Variants in SLC2A14 observed in about 807,000 individuals in gnomAD.
The protein encoded by SLC2A14 is solute carrier family 2, facilitated glucose transporter member 14.
Under a neutral mutation model 43.0 loss-of-function variants are expected in SLC2A14, and 13 were observed. The ratio of observed to expected loss-of-function variants is 0.30; its 90% CI spans 0.20 to 0.48. The LOEUF (loss-of-function observed/expected upper bound fraction) is 0.48. Among genes scored for constraint, SLC2A14 ranks in the 20% least tolerant of loss-of-function variants. SLC2A14 has a pLI of 0.99. For synonymous variants in SLC2A14, 190 were observed against 233.8 expected (o/e 0.81, Z 1.71); for missense variants, 428 against 620.4 (o/e 0.69, Z 3.29).
intron 2 of SLC2A14, chr12:7,839,970 G>C (rs1028734619): frequency 7.8e-6 from 3 of 383,248 alleles, no homozygotes; most frequent in African/African-American, 6.5e-5. Flanking sequence ...AAATTAGTGA[G>C]GCATGGTGGT....
intron 8 of SLC2A14, 107 bp downstream of exon 8, chr12:7,821,114 A>G: frequency 1.2e-6 from 1 of 828,584 alleles, no homozygotes; most frequent in Non-Finnish European, 1.9e-6. Flanking sequence ...AAAAATAAAT[A>G]ACAAAAAAGG....
chr12:7,834,530 CTTTTT>C (rs71038782), intron 2 of SLC2A14, among the ~76,000 whole-genome samples: 1 of 113,236 alleles, frequency 8.8e-6, no homozygotes, highest in Non-Finnish European at 1.8e-5. Flanking sequence ...TTCTCTCTCT[CTTTTT>C]TTTTTTTTTT....
intron 1 of SLC2A14, chr12:7,872,530 G>A (rs1200508045): frequency 6.5e-6 from 1 of 153,532 alleles, no homozygotes; most frequent in Non-Finnish European, 1.4e-5. Flanking sequence ...CTCTTCCCTA[G>A]AATATACAGT....
chr12:7,857,031 C>A (rs1012334441), intron 2 of SLC2A14, among the ~76,000 whole-genome samples: 6 of 136,512 alleles, frequency 4.4e-5, no homozygotes, highest in Non-Finnish European at 1.6e-5. Context: ...GCGGGCGGAT[C>A]ACGAGGTCAA....
At chr12:7,845,471 A>G (rs1866387898) in intron 2 of SLC2A14, among the ~76,000 whole-genome samples, 1 of 152,104 alleles carries the variant, frequency 6.6e-6, no homozygotes, top group Non-Finnish European at 1.5e-5. Context: ...AGAATCTCCC[A>G]GGATCCTGTT....
In SLC2A14 at chr12:7,887,304, G is replaced by A. The variant is rs148993555; in HGVS notation, c.132+3692C>T. On this transcript the variant is annotated intron_variant, in intron 1 of 9. Transcript: ENST00000539924. ...AAAAATCACCTGGTTTCAATGGTAG[G>A]CTGTCATGAAAAAAAAAAATCACAG... Among the ~76,000 whole-genome samples, 679 of 151,632 alleles carry A rather than the reference G, an allele frequency of 4.5e-3. 7 individuals carry two copies. Among genetic ancestry groups the A allele is most frequent in the African/African-American group, 0.015 (616 of 41,312 alleles).
At chr12:7,845,920 C>T (rs374798386) in intron 2 of SLC2A14, among the ~76,000 whole-genome samples, 3 of 151,798 alleles carry the variant, frequency 2.0e-5, no homozygotes, top group African/African-American at 7.2e-5. Context: ...GGCAAAACCC[C>T]ATCTCTATCA....
chr12:7,830,985 G>A (rs1460472877), intron 4 of SLC2A14, among the ~76,000 whole-genome samples: 3 of 151,854 alleles, frequency 2.0e-5, no homozygotes, highest in Admixed American at 6.6e-5. Context: ...TTAGCCGAGC[G>A]TGGTGGCGGG....
chr12:7,827,268 G>A (rs912505549), intron 7 of SLC2A14, among the ~76,000 whole-genome samples: 1 of 87,698 alleles, frequency 1.1e-5, no homozygotes. Context: ...GCTAATTTTT[G>A]TCTTTTTTTT....
At chr12:7,836,939 C>T (rs1865508801) in intron 2 of SLC2A14, among the ~76,000 whole-genome samples, 2 of 151,942 alleles carry the variant, frequency 1.3e-5, no homozygotes, top group Admixed American at 6.6e-5. Context: ...GAGGCTGAGG[C>T]AGGTGGATCA....
intron 2 of SLC2A14, among the ~76,000 whole-genome samples, chr12:7,861,137 C>G (rs1288868859): frequency 1.3e-5 from 2 of 151,950 alleles, no homozygotes; most frequent in Non-Finnish European, 2.9e-5. Context: ...AAGAAAGAAG[C>G]AGCCAAAAGG....
rs377612092 is a variant in SLC2A14, at chr12:7,826,965, TTCTC to T, written c.864+526_864+529del. Reference sequence around the variant, plus strand: ...CCTTTCTTTCCTTTCTTCTCTCTCTTTCTCTCTCTCTTTCTCTCCTTTCTCTCTT... The same window carrying T: ...CCTTTCTTTCCTTTCTTCTCTCTCTTTCTCTCTTTCTCTCCTTTCTCTCTT... On this transcript the variant is annotated intron_variant, in intron 7 of 10. Transcript: ENST00000431042. Among the ~76,000 whole-genome samples, 37 of 74,282 alleles carry T rather than the reference TTCTC, an allele frequency of 5.0e-4. 3 individuals are homozygous for T. The highest frequency in any genetic ancestry group is 1.2e-3 in the Admixed American group (7 of 5,808). The allele number at this position is 74,282 out of a possible 152,430, so 48.7% of individuals were successfully genotyped here.
intron 10 of SLC2A14, among the ~76,000 whole-genome samples, chr12:7,815,807 C>T (rs777117574): frequency 6.6e-6 from 1 of 152,208 alleles, no homozygotes; most frequent in African/African-American, 2.4e-5. Context: ...CACTCCCAAC[C>T]TCAGGTGATC....
intron 2 of SLC2A14, among the ~76,000 whole-genome samples, chr12:7,835,336 G>A (rs1865362266): frequency 6.6e-6 from 1 of 152,128 alleles, no homozygotes; most frequent in African/African-American, 2.4e-5. Context: ...GCAGTCAGCC[G>A]AGATTGCGTC....
At position 7,825,886 on chromosome 12, in the gene SLC2A14, AT is replaced by A. The variant is rs374042071; in HGVS notation, c.864+1608del. Among the ~76,000 whole-genome samples, 521 of 151,454 alleles carry A rather than the reference AT, an allele frequency of 3.4e-3. 2 individuals carry two copies. Among genetic ancestry groups the A allele is most frequent in the African/African-American group, 0.012 (490 of 41,274 alleles). ...GATCATCTGTAATTTCCCACAGGTGATTTTTTTCTGACCCTGTTTTGCAGGG... is the reference window on the plus strand; with the variant it reads ...GATCATCTGTAATTTCCCACAGGTGATTTTTTCTGACCCTGTTTTGCAGGG... On this transcript the variant is annotated intron_variant, in intron 7 of 10. Transcript: ENST00000431042.
intron 2 of SLC2A14, among the ~76,000 whole-genome samples, chr12:7,835,978 A>G: frequency 6.6e-6 from 1 of 152,118 alleles, no homozygotes; most frequent in East Asian, 1.9e-4. Flanking sequence ...TCATCCATCC[A>G]TCACTCCCGT....
At chr12:7,844,888 T>C (rs748381665) in intron 2 of SLC2A14, among the ~76,000 whole-genome samples, 1 of 152,236 alleles carries the variant, frequency 6.6e-6, no homozygotes, top group African/African-American at 2.4e-5. Flanking sequence ...TGTCTTAATA[T>C]GTATATGGTA....
intron 1 of SLC2A14, among the ~76,000 whole-genome samples, chr12:7,887,699 A>C (rs1284828477): frequency 6.6e-6 from 1 of 152,124 alleles, no homozygotes; most frequent in East Asian, 1.9e-4. Flanking sequence ...TCCAAGCTGC[A>C]CTTGACCTTT....
At chr12:7,882,857 TCAC>T (rs1277104552) in intron 1 of SLC2A14, among the ~76,000 whole-genome samples, 1 of 149,876 alleles carries the variant, frequency 6.7e-6, no homozygotes, top group Non-Finnish European at 1.5e-5. Context: ...TGAGACTTGT[TCAC>T]CACTTGGAAG....
Sources: gnomAD v4.1 joint callset for allele counts (sites outside exome capture counted in the v4.1 genomes callset) on GRCh38, gnomAD v4.1.1 for gene constraint, MANE v1.5 for transcripts, NCBI Gene and HGNC (gene_info 2026-07-23, HGNC 2026-07-21) for gene names.